Variants in PARD3 observed in about 807,000 individuals in gnomAD.
PARD3 encodes the protein par-3 family cell polarity regulator, also known as partitioning defective 3 homolog.
In PARD3, 75 loss-of-function variants were observed where a neutral mutation model predicts 155.4. The ratio of observed to expected loss-of-function variants is 0.48; its 90% CI spans 0.40 to 0.58. The LOEUF (loss-of-function observed/expected upper bound fraction) is 0.58. Among genes scored for constraint, PARD3 ranks in the 20% least tolerant of loss-of-function variants. PARD3 has a pLI of 0.00. For missense variants in PARD3, 1,642 were observed against 1,721.7 expected (o/e 0.95, Z 0.82); for synonymous variants, 576 against 610.5 (o/e 0.94, Z 0.83).
Position 34,559,042 on chromosome 10 carries a change from T to TCCC in PARD3, c.223-41886_223-41884dup, listed in dbSNP as rs886905007. ...TTCATTAGAATTGAAAACTCATTTT[T>TCCC]CCCCCCCACAGAATTAGCCTCTAAG... On this transcript the variant is annotated intron_variant, in intron 2 of 24. Coordinates refer to ENST00000374788, the MANE Select transcript of PARD3 (RefSeq NM_001184785.2). Among the ~76,000 whole-genome samples, 1,053 of 150,004 alleles carry TCCC rather than the reference T, an allele frequency of 7.0e-3. 16 individuals are homozygous for TCCC. The highest frequency in any genetic ancestry group is 0.024 in the African/African-American group (967 of 40,458).
intron 19 of PARD3, among the ~76,000 whole-genome samples, chr10:34,325,848 T>A (rs6481896): frequency 1.3e-5 from 2 of 152,082 alleles, no homozygotes; most frequent in South Asian, 2.1e-4. Context: ...TGGGGCCTGG[T>A]GCGGTGGCTC....
At chr10:34,172,268 C>T (rs543076456) in intron 22 of PARD3, among the ~76,000 whole-genome samples, 41 of 152,178 alleles carry the variant, frequency 2.7e-4, no homozygotes, top group African/African-American at 8.4e-4. Flanking sequence ...ACTCCAAGTG[C>T]TGGGAAAATA....
chr10:34,808,064 A>G (rs1008020224), intron 1 of PARD3, among the ~76,000 whole-genome samples: 4 of 152,240 alleles, frequency 2.6e-5, no homozygotes, highest in Non-Finnish European at 5.9e-5. Context: ...CTGTAATCCC[A>G]GCACTCTGGA....
chr10:34,224,866 T>A (rs1476626234), intron 22 of PARD3, among the ~76,000 whole-genome samples: 2 of 152,188 alleles, frequency 1.3e-5, no homozygotes, highest in Non-Finnish European at 2.9e-5. Context: ...TTTTTATATG[T>A]CTATCTCAAA....
chr10:34,128,907 A>G (rs1415546), intron 23 of PARD3, among the ~76,000 whole-genome samples: 48,162 of 151,848 alleles, frequency 0.32, 7,948 homozygotes, highest in African/African-American at 0.36. Flanking sequence ...CCCACCCGTA[A>G]AGGTTTACAT....
intron 2 of PARD3, among the ~76,000 whole-genome samples, chr10:34,533,633 C>T (rs1177752675): frequency 1.3e-5 from 2 of 151,836 alleles, no homozygotes; most frequent in East Asian, 1.9e-4. Flanking sequence ...ATGGTGAAAC[C>T]CCATCTCTAC....
At chr10:34,469,152 C>T (rs1054698517) in intron 4 of PARD3, among the ~76,000 whole-genome samples, 1 of 152,166 alleles carries the variant, frequency 6.6e-6, no homozygotes, top group East Asian at 1.9e-4. Flanking sequence ...ACTCTGTCGC[C>T]CAGGCTAGAG....
chr10:34,503,917 T>C (rs2080875381), intron 3 of PARD3, among the ~76,000 whole-genome samples: 2 of 152,230 alleles, frequency 1.3e-5, no homozygotes, highest in Admixed American at 1.3e-4. Context: ...GCTCCTTTTA[T>C]AGAGTTATGA....
intron 2 of PARD3, among the ~76,000 whole-genome samples, chr10:34,526,924 C>T (rs941135600): frequency 1.3e-5 from 2 of 152,188 alleles, no homozygotes; most frequent in Non-Finnish European, 1.5e-5. Flanking sequence ...ACGCATCACT[C>T]ATTCCATTGT....
intron 19 of PARD3, among the ~76,000 whole-genome samples, chr10:34,318,766 T>A (rs1371578636): frequency 6.6e-6 from 1 of 152,106 alleles, no homozygotes; most frequent in East Asian, 1.9e-4. Context: ...AGAATTTTTT[T>A]ATTTTTTTTA....
intron 1 of PARD3, among the ~76,000 whole-genome samples, chr10:34,760,586 C>T (rs1325482688): frequency 6.6e-6 from 1 of 152,224 alleles, no homozygotes; most frequent in Non-Finnish European, 1.5e-5. Flanking sequence ...CCCGCCTCAG[C>T]CTCCCAAAGC....
chr10:34,440,482 G>A (rs1487238288), intron 5 of PARD3, among the ~76,000 whole-genome samples: 1 of 152,144 alleles, frequency 6.6e-6, no homozygotes, highest in Non-Finnish European at 1.5e-5. Context: ...GGCACCTGAA[G>A]GTCAAAGTTA....
intron 22 of PARD3, among the ~76,000 whole-genome samples, chr10:34,142,247 G>A (rs1364134911): frequency 6.6e-6 from 1 of 152,076 alleles, no homozygotes; most frequent in African/African-American, 2.4e-5. Context: ...ATGCACTTTA[G>A]AAAATAAAAT....
At chr10:34,602,888 C>A (rs1289641887) in intron 2 of PARD3, among the ~76,000 whole-genome samples, 2 of 152,068 alleles carry the variant, frequency 1.3e-5, no homozygotes, top group Non-Finnish European at 2.9e-5. Context: ...CGTAGGCACA[C>A]AATTAACAGA....
intron 2 of PARD3, among the ~76,000 whole-genome samples, chr10:34,685,721 G>A (rs1428788929): frequency 2.0e-5 from 3 of 151,782 alleles, no homozygotes; most frequent in African/African-American, 4.8e-5. Flanking sequence ...AGCCTCTCAA[G>A]TAACTGGGAC....
chr10:34,607,868 T>G (rs1397775732), intron 2 of PARD3, among the ~76,000 whole-genome samples: 1 of 152,220 alleles, frequency 6.6e-6, no homozygotes, highest in African/African-American at 2.4e-5. Context: ...CAGAGCAGGC[T>G]TTGTGGATAC....
intron 2 of PARD3, among the ~76,000 whole-genome samples, chr10:34,630,481 C>T (rs1428102731): frequency 1.3e-5 from 2 of 150,762 alleles, no homozygotes; most frequent in Non-Finnish European, 3.0e-5. Context: ...CAGGGTCTTC[C>T]TCTATTACAC....
At chr10:34,657,224 C>G (rs2093194980) in intron 2 of PARD3, among the ~76,000 whole-genome samples, 1 of 151,790 alleles carries the variant, frequency 6.6e-6, no homozygotes, top group African/African-American at 2.4e-5. Context: ...GGAGATCCCA[C>G]CTCTACCAAA....
rs73273448 is a variant in PARD3 at position 34,748,061 on chromosome 10, G to A, written c.121-51642C>T. On this transcript the variant is annotated intron_variant, in intron 1 of 24. Transcript: ENST00000374788. Reference sequence around the variant, plus strand: ...ACCATGACAAGCCACTTTGCTGTCCGGAACATCATGGAAAAAGCAGAAAAT... The same window carrying A: ...ACCATGACAAGCCACTTTGCTGTCCAGAACATCATGGAAAAAGCAGAAAAT... Among the ~76,000 whole-genome samples the A allele has an allele frequency of 8.9e-3, 1,362 of 152,230 alleles. 26 individuals carry two copies. Among genetic ancestry groups the A allele is most frequent in the African/African-American group, 0.031 (1,271 of 41,530 alleles).
Sources: allele counts gnomAD v4.1 joint callset (sites outside exome capture counted in the v4.1 genomes callset), GRCh38; gene constraint gnomAD v4.1.1; transcripts MANE v1.5; gene names NCBI Gene and HGNC (gene_info 2026-07-23, HGNC 2026-07-21).